The following CEP63 variants were observed in gnomAD, a reference collection of about 807,000 sequenced individuals.
The protein encoded by CEP63 is centrosomal protein 63, also known as centrosomal protein of 63 kDa.
A neutral mutation model predicts 89.1 loss-of-function variants in CEP63; 84 were observed. The ratio of observed to expected loss-of-function variants is 0.94; its 90% CI spans 0.79 to 1.13. The LOEUF is 1.13. Ranked by LOEUF, CEP63 falls within the 50% of genes most tolerant of loss-of-function variation. The pLI is 0.00. For missense variants in CEP63, 838 were observed against 813.3 expected, an observed-to-expected ratio of 1.03 and a Z score of -0.37; for synonymous variants, 267 against 272.5, an observed-to-expected ratio of 0.98 and a Z score of 0.20.
At chr3:134,624,377 T>A in the CEP63 span, among the ~76,000 whole-genome samples, 2 of 152,202 alleles carry the variant, frequency 1.3e-5, no homozygotes, top group Admixed American at 1.3e-4. Flanking sequence ...CACCATCCAC[T>A]CATTATTTCA....
the CEP63 span, among the ~76,000 whole-genome samples, chr3:134,777,687 C>T: frequency 1.4e-5 from 2 of 140,648 alleles, no homozygotes; most frequent in East Asian, 2.1e-4. Context: ...GGTCTTGGCT[C>T]GCTGCAACCT....
At chr3:134,619,171 A>G in the CEP63 span, 1 of 1,613,928 alleles carries the variant, frequency 6.2e-7, no homozygotes, top group Admixed American at 1.7e-5. Context: ...CGAAGAGGCC[A>G]GCATAGCCAT....
the CEP63 span, among the ~76,000 whole-genome samples, chr3:134,612,751 CTGTGTGTGTGTGTGTGTG>C: frequency 4.8e-5 from 6 of 125,420 alleles, 1 homozygote; most frequent in South Asian, 3.1e-4. Context: ...CACGCCGATG[CTGTGTGTGTGTGTGTGTG>C]TGTGTGTGTG....
intron 3 of CEP63, among the ~76,000 whole-genome samples, chr3:134,527,147 G>A (rs952830089): frequency 6.6e-6 from 1 of 152,202 alleles, no homozygotes; most frequent in Non-Finnish European, 1.5e-5. Flanking sequence ...CTATGCCAGG[G>A]TGCTGGTGGG....
the CEP63 span, among the ~76,000 whole-genome samples, chr3:134,724,097 C>T: frequency 2.0e-5 from 3 of 152,170 alleles, no homozygotes; most frequent in Admixed American, 1.3e-4. Flanking sequence ...GAGGCTGATT[C>T]CCTGGGATGC....
At chr3:134,486,265 G>A (rs1240899058) in intron 1 of CEP63, 63 bp downstream of exon 1, 8 of 985,464 alleles carry the variant, frequency 8.1e-6, no homozygotes, top group African/African-American at 3.5e-5. Flanking sequence ...TGCGCAAGTT[G>A]GAGGGGCAAG....
At chr3:134,577,864 C>T (rs1958251702), downstream of CEP63, among the ~76,000 whole-genome samples, 1 of 152,056 alleles carries the variant, frequency 6.6e-6, no homozygotes, top group South Asian at 2.1e-4. Flanking sequence ...TGAGTGAGAA[C>T]ATGCAGTGTT....
intron 2 of CEP63, among the ~76,000 whole-genome samples, chr3:134,503,831 A>G (rs1942749452): frequency 5.4e-5 from 2 of 36,712 alleles, no homozygotes; most frequent in Admixed American, 7.2e-4. Context: ...CTACTCCTGC[A>G]TGTTTTTGGT....
chr3:134,776,215 A>G, the CEP63 span, among the ~76,000 whole-genome samples: 1 of 152,254 alleles, frequency 6.6e-6, no homozygotes, highest in Non-Finnish European at 1.5e-5. Context: ...TGTGTCCAGC[A>G]GTTCCAGTCA....
At chr3:134,519,851 A>G (rs1338589956) in intron 3 of CEP63, among the ~76,000 whole-genome samples, 1 of 152,116 alleles carries the variant, frequency 6.6e-6, no homozygotes, top group African/African-American at 2.4e-5. Flanking sequence ...ATCCAGGAAA[A>G]GAATTTAATG....
the CEP63 span, among the ~76,000 whole-genome samples, chr3:134,746,254 CTTTTTT>C: frequency 2.6e-5 from 4 of 151,240 alleles, no homozygotes; most frequent in African/African-American, 9.7e-5. Flanking sequence ...TGAACTCATC[CTTTTTT>C]TTATGGCTGC....
At chr3:134,552,624 T>A (rs892224317) in intron 12 of CEP63, 23 of 152,264 alleles carry the variant, frequency 1.5e-4, no homozygotes, top group African/African-American at 4.8e-4. Context: ...TTAGTAAGTA[T>A]GCAATACATC....
the CEP63 span, among the ~76,000 whole-genome samples, chr3:134,678,859 C>T: frequency 6.6e-6 from 1 of 152,228 alleles, no homozygotes; most frequent in Non-Finnish European, 1.5e-5. Flanking sequence ...ACCTTCTCCA[C>T]CTGGTTCAAG....
intron 12 of CEP63, chr3:134,553,553 CAAAG>C (rs1435966775): frequency 1.3e-5 from 2 of 151,830 alleles, no homozygotes; most frequent in Non-Finnish European, 2.9e-5. Context: ...ATCTAGTAAA[CAAAG>C]AAAACTGTTC....
chr3:134,728,876 C>T, the CEP63 span, among the ~76,000 whole-genome samples: 9 of 152,094 alleles, frequency 5.9e-5, no homozygotes, highest in Non-Finnish European at 8.8e-5. Flanking sequence ...AATTTTCTCT[C>T]GTCAAAAGAT....
the CEP63 span, among the ~76,000 whole-genome samples, chr3:134,695,143 G>A: frequency 1.3e-5 from 2 of 152,222 alleles, no homozygotes; most frequent in Admixed American, 1.3e-4. Context: ...TAGGAGGTGG[G>A]AGGGACTGGG....
chr3:134,496,850 T>C (rs1317133443), intron 2 of CEP63, among the ~76,000 whole-genome samples: 1 of 152,230 alleles, frequency 6.6e-6, no homozygotes, highest in Non-Finnish European at 1.5e-5. Flanking sequence ...GAAAACTCCA[T>C]TTAGTTTTCC....
chr3:134,557,029 C>A (rs749484564), intron 12 of CEP63, among the ~76,000 whole-genome samples: 10 of 152,012 alleles, frequency 6.6e-5, no homozygotes, highest in Non-Finnish European at 1.0e-4. Flanking sequence ...TTAGAAAATG[C>A]CCTTTTGTAT....
chr3:134,591,738 G>A (rs1294571407), downstream of CEP63, among the ~76,000 whole-genome samples: 2 of 151,672 alleles, frequency 1.3e-5, no homozygotes, highest in Non-Finnish European at 2.9e-5. Flanking sequence ...AAAATTGGTC[G>A]GGTGTGGTGG....
Sources: allele counts gnomAD v4.1 joint callset (sites outside exome capture counted in the v4.1 genomes callset), GRCh38; gene constraint gnomAD v4.1.1; transcripts MANE v1.5; gene names NCBI Gene and HGNC (gene_info 2026-07-23, HGNC 2026-07-21).